Variants in PSAT1 observed in about 807,000 individuals in gnomAD.
The protein encoded by PSAT1 is phosphoserine aminotransferase 1.
Under a neutral mutation model 40.3 loss-of-function variants are expected in PSAT1, and 41 were observed. The observed-to-expected ratio is 1.02, with a 90% CI of 0.79 to 1.32. PSAT1 has a LOEUF of 1.32. Ranked by LOEUF, PSAT1 falls within the 40% of genes most tolerant of loss-of-function variation. The pLI, the probability that PSAT1 is intolerant of heterozygous loss-of-function variation, is 0.00. For synonymous variants in PSAT1, 147 were observed against 170.5 expected (o/e 0.86, Z 1.07); for missense variants, 406 against 455.8 (o/e 0.89, Z 0.99).
intron 1 of PSAT1, among the ~76,000 whole-genome samples, chr9:78,297,968 C>G (rs557353717): frequency 6.6e-6 from 1 of 152,144 alleles, no homozygotes; most frequent in Non-Finnish European, 1.5e-5. Context: ...CCCCACCCCC[C>G]TCCTTTTTTT....
chr9:78,317,298 G>C (rs1052941203), intron 6 of PSAT1, among the ~76,000 whole-genome samples: 1 of 152,128 alleles, frequency 6.6e-6, no homozygotes. Flanking sequence ...TGTCACCCAG[G>C]CTAGAGTGCA....
intron 6 of PSAT1, among the ~76,000 whole-genome samples, chr9:78,312,682 G>A (rs1828285211): frequency 1.3e-5 from 2 of 151,954 alleles, no homozygotes; most frequent in Admixed American, 6.6e-5. Context: ...GGCAATAAGA[G>A]CAAAACTCCA....
chr9:78,323,668 C>T (rs1828459445), intron 7 of PSAT1, among the ~76,000 whole-genome samples: 1 of 152,144 alleles, frequency 6.6e-6, no homozygotes, highest in South Asian at 2.1e-4. Flanking sequence ...CATATGCACA[C>T]AGACGTACAT....
At chr9:78,309,421 GGCATGATCTCGGCTCACT>G (rs2118654930) in intron 6 of PSAT1, among the ~76,000 whole-genome samples, 1 of 152,348 alleles carries the variant, frequency 6.6e-6, no homozygotes, top group Non-Finnish European at 1.5e-5. Flanking sequence ...GGAGTGCAGT[GGCATGATCTCGGCTCACT>G]GCAACCTCCA....
At position 78,297,217 on chromosome 9, in the gene PSAT1, GC is replaced by G. The variant is rs1828038814; in HGVS notation, c.12del (p.Arg5GlyfsTer19). The G allele has an allele frequency of 2.5e-6, 4 of 1,601,300 alleles. No homozygotes were observed. The highest frequency in any genetic ancestry group is 4.5e-5 in the East Asian group (2 of 44,644). The part of the protein sequence containing the change: MD[A>X]PRQVVNFGPG... ...CCGCCCTGGCCGCCGCACCATGGAC[GC>G]CCCCAGGCAGGTGGTCAACTTTGGG... is the stretch of plus-strand genomic sequence containing the variant. On this transcript the variant is annotated frameshift_variant, in exon 1 of 9. Coordinates refer to ENST00000376588, the MANE Select transcript of PSAT1 (RefSeq NM_058179.4). LOFTEE classifies it high-confidence loss of function.
In PSAT1 at chr9:78,329,125, A is replaced by C; in HGVS notation, c.*39A>C. 6.9e-7 allele frequency: 1 copy of C among 1,444,368 alleles called. No homozygotes were observed. The highest frequency in any genetic ancestry group is 1.1e-5 in the South Asian group (1 of 87,580). 89.5% of individuals were successfully genotyped at this position (1,444,368 alleles called of 1,614,324 possible). A position where few individuals can be genotyped will look rare whatever the true frequency, so the allele number is the denominator to read the frequency against. ...AGGATATACTCTGTTCTTGAACAAC[A>C]TACAAAGTTTAAAGTAACTTGGGGA... On this transcript the variant is annotated 3_prime_UTR_variant, in exon 9 of 9. Coordinates refer to ENST00000376588, the MANE Select transcript of PSAT1 (RefSeq NM_058179.4).
At chr9:78,299,144 C>CAAAAAAAA (rs71360679) in intron 1 of PSAT1, among the ~76,000 whole-genome samples, 6 of 87,306 alleles carry the variant, frequency 6.9e-5, no homozygotes, top group African/African-American at 2.3e-4. Flanking sequence ...TGTCTCTTAA[C>CAAAAAAAA]AAAAAAAAAA....
At chr9:78,323,014 C>T (rs1828450765) in intron 7 of PSAT1, among the ~76,000 whole-genome samples, 1 of 152,136 alleles carries the variant, frequency 6.6e-6, no homozygotes, top group Non-Finnish European at 1.5e-5. Context: ...TTTACCCTTC[C>T]CCAGCACTCT....
At chr9:78,320,883 C>G in intron 7 of PSAT1, among the ~76,000 whole-genome samples, 1 of 152,130 alleles carries the variant, frequency 6.6e-6, no homozygotes, top group Middle Eastern at 3.4e-3. Flanking sequence ...TAGCTCTATA[C>G]ATTTCTCAGG....
chr9:78,308,266 G>C, intron 5 of PSAT1, 148 bp from the exon 6 acceptor site: 1 of 898,386 alleles, frequency 1.1e-6, no homozygotes, highest in Non-Finnish European at 1.8e-6. Context: ...TGTCCACATG[G>C]AGATTGCTTT....
At chr9:78,311,410 A>G (rs1441142402) in intron 6 of PSAT1, among the ~76,000 whole-genome samples, 2 of 152,124 alleles carry the variant, frequency 1.3e-5, no homozygotes, top group Middle Eastern at 3.2e-3. Flanking sequence ...GCAGGGAAAG[A>G]GTGCTGTTCC....
intron 7 of PSAT1, among the ~76,000 whole-genome samples, chr9:78,321,521 C>T (rs1828428899): frequency 6.6e-6 from 1 of 152,144 alleles, no homozygotes; most frequent in South Asian, 2.1e-4. Context: ...TCATTTTTGT[C>T]TCTGAGAAGA....
rs1357896938 is a variant in PSAT1 at position 78,297,172 on chromosome 9, G to C, written c.-39G>C. 6.3e-7 allele frequency: 1 copy of C among 1,578,286 alleles called. No individual in the cohort carries two copies. Among genetic ancestry groups the C allele is most frequent in the Non-Finnish European group, 8.6e-7 (1 of 1,165,802 alleles). Reference sequence around the variant, plus strand: ...AGGAACGCCAGCCGTTCACGCGTTCGGTCCTCCTTGGCTGACTCACCGCCC... The same window carrying C: ...AGGAACGCCAGCCGTTCACGCGTTCCGTCCTCCTTGGCTGACTCACCGCCC... On this transcript the variant is annotated 5_prime_UTR_variant, in exon 1 of 9. Coordinates refer to ENST00000376588, the MANE Select transcript of PSAT1 (RefSeq NM_058179.4).
intron 1 of PSAT1, among the ~76,000 whole-genome samples, chr9:78,300,232 A>G (rs560482902): frequency 6.6e-6 from 1 of 152,284 alleles, no homozygotes; most frequent in Admixed American, 6.5e-5. Flanking sequence ...TTACCTGTAT[A>G]ATCTGGGCAT....
At chr9:78,305,922 T>C (rs1828174832) in intron 4 of PSAT1, among the ~76,000 whole-genome samples, 1 of 152,216 alleles carries the variant, frequency 6.6e-6, no homozygotes, top group South Asian at 2.1e-4. Context: ...AGTCTTTCTG[T>C]GTTGCCCGGG....
chr9:78,299,144 C>CAAAAAAAAAAAAA (rs71360679), intron 1 of PSAT1, among the ~76,000 whole-genome samples: 1 of 87,288 alleles, frequency 1.1e-5, no homozygotes, highest in African/African-American at 4.6e-5. Flanking sequence ...TGTCTCTTAA[C>CAAAAAAAAAAAAA]AAAAAAAAAA....
In PSAT1 at chr9:78,308,433, G is replaced by C; in HGVS notation, c.590G>C (p.Gly197Ala). 1 of 1,613,722 alleles carries C rather than the reference G, an allele frequency of 6.2e-7. No individual in the cohort carries two copies. Among genetic ancestry groups the C allele is most frequent in the Non-Finnish European group, 8.5e-7 (1 of 1,179,806 alleles). Reference sequence around the variant, plus strand: ...TTTAAGTTTGGTGTGATTTTTGCTGGTGCCCAGAAGAATGTTGGCTCTGCT... The same window carrying C: ...TTTAAGTTTGGTGTGATTTTTGCTGCTGCCCAGAAGAATGTTGGCTCTGCT... ...DVSKFGVIFAGAQKNVGSAGV... is the reference protein window; with the variant it reads ...DVSKFGVIFAAAQKNVGSAGV... Residue 197 changes from glycine (G) to alanine (A), a missense_variant, in exon 6 of 9, where the codon GGT (glycine) becomes GCT (alanine). Transcript: ENST00000376588.
At chr9:78,325,961 C>T (rs1419891310) in intron 7 of PSAT1, among the ~76,000 whole-genome samples, 2 of 152,076 alleles carry the variant, frequency 1.3e-5, no homozygotes, top group African/African-American at 4.8e-5. Flanking sequence ...TTTGTTGCTC[C>T]ACCTCTCTGA....
chr9:78,309,509 C>T (rs1213687667), intron 6 of PSAT1, among the ~76,000 whole-genome samples: 3 of 152,114 alleles, frequency 2.0e-5, no homozygotes, highest in Non-Finnish European at 2.9e-5. Flanking sequence ...ATTACAGGTG[C>T]GTGCCACTAC....
Sources: allele counts gnomAD v4.1 joint callset (sites outside exome capture counted in the v4.1 genomes callset), GRCh38; gene constraint gnomAD v4.1.1; transcripts MANE v1.5; gene names NCBI Gene and HGNC (gene_info 2026-07-23, HGNC 2026-07-21).